ST6GALNAC3: variants seen among roughly 807,000 people sequenced by gnomAD.
The protein encoded by ST6GALNAC3 is alpha-N-acetylgalactosaminide alpha-2,6-sialyltransferase 3.
A neutral mutation model predicts 32.7 loss-of-function variants in ST6GALNAC3; 25 were observed. That is an observed-to-expected ratio of 0.76 (90% CI 0.56 to 1.07). The LOEUF is 1.07. ST6GALNAC3 is among the 50% of genes least tolerant of loss of function. The probability of loss-of-function intolerance (pLI) is 0.00; values close to 1 mark genes in which losing one functional copy is unlikely to be tolerated. For missense variants in ST6GALNAC3, 355 were observed against 382.4 expected (o/e 0.93, Z 0.60); for synonymous variants, 129 against 133.1 (o/e 0.97, Z 0.21).
rs141737804 is a variant in ST6GALNAC3, at chr1:76,356,331, T to C, written c.213+42332T>C. 2.6e-3 allele frequency among the ~76,000 whole-genome samples: 374 copies of C among 146,264 alleles called. 2 individuals are homozygous for C. The highest frequency in any genetic ancestry group is 0.012 in the Middle Eastern group (3 of 260). On this transcript the variant is annotated intron_variant, in intron 2 of 4. Coordinates refer to ENST00000328299, the MANE Select transcript of ST6GALNAC3 (RefSeq NM_152996.4). ...GAATGCTTTTGATCGGATCCAAATATAAAGGCCAAAACAAATTAAGTAATT... is the reference window on the plus strand; with the variant it reads ...GAATGCTTTTGATCGGATCCAAATACAAAGGCCAAAACAAATTAAGTAATT...
chr1:76,527,563 C>T (rs1295596025), intron 3 of ST6GALNAC3, among the ~76,000 whole-genome samples: 1 of 152,008 alleles, frequency 6.6e-6, no homozygotes, highest in African/African-American at 2.4e-5. Context: ...CTGATAACAC[C>T]TCCCCCAAGT....
At chr1:76,616,058 G>A (rs1452924197) in intron 3 of ST6GALNAC3, among the ~76,000 whole-genome samples, 1 of 152,174 alleles carries the variant, frequency 6.6e-6, no homozygotes, top group East Asian at 1.9e-4. Flanking sequence ...AGAGGTTCTG[G>A]TATGGGGAGG....
intron 3 of ST6GALNAC3, among the ~76,000 whole-genome samples, chr1:76,435,986 C>A (rs1656114387): frequency 6.6e-6 from 1 of 151,970 alleles, no homozygotes; most frequent in South Asian, 2.1e-4. Flanking sequence ...GTACACACTG[C>A]ACCCAATTTG....
chr1:76,115,666 A>C (rs1429562586), intron 1 of ST6GALNAC3, among the ~76,000 whole-genome samples: 11 of 152,134 alleles, frequency 7.2e-5, no homozygotes, highest in Admixed American at 7.2e-4. Context: ...GGTGGACCAC[A>C]GTTTGACTTT....
intron 3 of ST6GALNAC3, among the ~76,000 whole-genome samples, chr1:76,580,852 G>T (rs1262379347): frequency 6.6e-6 from 1 of 151,900 alleles, no homozygotes; most frequent in African/African-American, 2.4e-5. Flanking sequence ...TGGGAGAGGG[G>T]CTTCAATAGG....
intron 1 of ST6GALNAC3, among the ~76,000 whole-genome samples, chr1:76,227,302 G>T (rs567296671): frequency 1.3e-5 from 2 of 152,250 alleles, no homozygotes; most frequent in East Asian, 1.9e-4. Context: ...GCCTTTTCTG[G>T]TCCTTTGAGC....
At chr1:76,207,418 G>A (rs1033268663) in intron 1 of ST6GALNAC3, among the ~76,000 whole-genome samples, 8 of 152,174 alleles carry the variant, frequency 5.3e-5, no homozygotes, top group African/African-American at 1.7e-4. Flanking sequence ...TAGTGTCTTC[G>A]TTAGCTTTCT....
At chr1:76,483,053 A>G (rs1427403864) in intron 3 of ST6GALNAC3, among the ~76,000 whole-genome samples, 1 of 151,986 alleles carries the variant, frequency 6.6e-6, no homozygotes. Flanking sequence ...AAGGACATGA[A>G]CTTATCCTTT....
chr1:76,492,823 TCTATTGCAGGGTACTACTGGTAATGACA>T (rs1322748011), intron 3 of ST6GALNAC3, among the ~76,000 whole-genome samples: 2 of 152,114 alleles, frequency 1.3e-5, no homozygotes, highest in Non-Finnish European at 2.9e-5. Context: ...GTCCCACAGA[TCTATTGCAGGGTACTACTGGTAATGACA>T]CTCATGAACC....
intron 1 of ST6GALNAC3, among the ~76,000 whole-genome samples, chr1:76,300,432 A>G (rs1237045414): frequency 6.6e-6 from 1 of 151,960 alleles, no homozygotes; most frequent in Non-Finnish European, 1.5e-5. Context: ...TAGAGTCATT[A>G]AACTCAGGAG....
At chr1:76,527,656 G>A (rs1214115332) in intron 3 of ST6GALNAC3, among the ~76,000 whole-genome samples, 2 of 152,038 alleles carry the variant, frequency 1.3e-5, no homozygotes, top group Admixed American at 6.6e-5. Context: ...CTTTGTATCT[G>A]TTTGAAGGGA....
intron 2 of ST6GALNAC3, among the ~76,000 whole-genome samples, chr1:76,331,652 T>G (rs1647188630): frequency 6.6e-6 from 1 of 152,210 alleles, no homozygotes; most frequent in African/African-American, 2.4e-5. Flanking sequence ...ACCATGGAAC[T>G]GTTGCATCTC....
At chr1:76,219,521 G>A (rs958083448) in intron 1 of ST6GALNAC3, among the ~76,000 whole-genome samples, 1 of 152,202 alleles carries the variant, frequency 6.6e-6, no homozygotes, top group Admixed American at 6.5e-5. Context: ...AGCAGGTGCT[G>A]GAGTCTGAGG....
chr1:76,368,101 AT>A (rs144420989), intron 2 of ST6GALNAC3, among the ~76,000 whole-genome samples: 26 of 148,982 alleles, frequency 1.7e-4, no homozygotes, highest in Admixed American at 5.4e-4. Context: ...CAGGGTGGGC[AT>A]TTTTTTTTTC....
At chr1:76,399,715 A>G (rs993092207) in intron 2 of ST6GALNAC3, among the ~76,000 whole-genome samples, 8 of 152,166 alleles carry the variant, frequency 5.3e-5, no homozygotes, top group Admixed American at 3.9e-4. Context: ...TTCCATGTAT[A>G]TGTTATGTCT....
intron 1 of ST6GALNAC3, among the ~76,000 whole-genome samples, chr1:76,248,647 C>T (rs1472906082): frequency 6.6e-6 from 1 of 152,020 alleles, no homozygotes; most frequent in Non-Finnish European, 1.5e-5. Flanking sequence ...AGGTATTTTC[C>T]AATACTTCTC....
chr1:76,209,449 C>A (rs964350856), intron 1 of ST6GALNAC3, among the ~76,000 whole-genome samples: 1 of 152,148 alleles, frequency 6.6e-6, no homozygotes, highest in African/African-American at 2.4e-5. Flanking sequence ...ATTTGCCAAG[C>A]CTTGCATCTG....
chr1:76,092,381 T>G (rs1026711623), intron 1 of ST6GALNAC3, among the ~76,000 whole-genome samples: 2 of 152,268 alleles, frequency 1.3e-5, no homozygotes, highest in Non-Finnish European at 2.9e-5. Context: ...TATAATTGAC[T>G]ATGAATGCCT....
intron 1 of ST6GALNAC3, among the ~76,000 whole-genome samples, chr1:76,203,609 G>A (rs538148579): frequency 2.0e-5 from 3 of 152,052 alleles, no homozygotes; most frequent in African/African-American, 7.2e-5. Flanking sequence ...AATGCAAGAG[G>A]TAAATATTTA....
Sources: gnomAD v4.1 joint callset for allele counts (sites outside exome capture counted in the v4.1 genomes callset) on GRCh38, gnomAD v4.1.1 for gene constraint, MANE v1.5 for transcripts, NCBI Gene and HGNC (gene_info 2026-07-23, HGNC 2026-07-21) for gene names.